The following MYO1A variants were observed in gnomAD, a reference collection of about 807,000 sequenced individuals.
MYO1A encodes myosin IA.
Under a neutral mutation model 138.5 loss-of-function variants are expected in MYO1A, and 127 were observed. The ratio of observed to expected loss-of-function variants is 0.92; its 90% CI spans 0.79 to 1.06. The LOEUF is 1.06. Among genes scored for constraint, MYO1A ranks in the 50% least tolerant of loss-of-function variants. MYO1A has a pLI of 0.00. For missense variants in MYO1A, 1,211 were observed against 1,288.8 expected, an observed-to-expected ratio of 0.94 and a Z score of 0.92; for synonymous variants, 477 against 497.5, an observed-to-expected ratio of 0.96 and a Z score of 0.55.
chr12:57,047,316 G>A lies in MYO1A; in HGVS notation c.417C>T (p.Asn139=), dbSNP rs1376348970. ...NSVKEQLLQS[N]PVLEAFGNAK... The stretch of plus-strand genomic sequence containing the variant: ...CAGAATTCTCACCCTCCAGCACTGG[G>A]TTAGACTGTAGCAGCTGCTCCTTCA... Residue 139 remains asparagine, a synonymous_variant, in exon 5 of 28, where the codon AAC becomes AAT. Coordinates refer to ENST00000300119, the MANE Select transcript of MYO1A (RefSeq NM_005379.4). 15 of 1,614,052 alleles carry A rather than the reference G, an allele frequency of 9.3e-6. No individual in the cohort carries two copies. Among genetic ancestry groups the A allele is most frequent in the Non-Finnish European group, 1.2e-5 (14 of 1,179,938 alleles).
chr12:57,031,951 G>A (rs147395723), intron 22 of MYO1A, among the ~76,000 whole-genome samples: 136 of 152,228 alleles, frequency 8.9e-4, no homozygotes, highest in Non-Finnish European at 1.3e-3. Flanking sequence ...TGACACTTAA[G>A]AGCCCAGCCT....
Position 57,047,079 on chromosome 12 carries a change from G to A in MYO1A, c.459C>T (p.Asn153=). The A allele has an allele frequency of 6.2e-7, 1 of 1,614,206 alleles. No homozygotes were observed. The highest frequency in any genetic ancestry group is 8.5e-7 in the Non-Finnish European group (1 of 1,180,040). The change falls in exon 6 of 28, where the codon AAC becomes AAT. Residue 153 remains asparagine (N), a synonymous_variant. Coordinates refer to ENST00000300119, the MANE Select transcript of MYO1A (RefSeq NM_005379.4). ...EAFGNAKTIR[N]NNSSRFGKYM... ...TACTCACAAATCGGGAGGAATTGTT[G>A]TTGCGAATGGTCTTGGCATTGCCAA...
chr12:57,036,802 T>A lies in MYO1A; in HGVS notation c.2244A>T (p.Leu748Phe). ...ACCCTCTCACAAAAGCCTGGATCAA[T>A]AACACGGATGCCTTTATCTTCCCAT... Reference protein sequence around the residue: ...KCYGKIKASVLLIQAFVRGWK... With the variant: ...KCYGKIKASVFLIQAFVRGWK... Residue 748 changes from leucine (L) to phenylalanine (F), a missense_variant, in exon 21 of 28, where the codon TTA becomes TTT. By Grantham distance (22) the Leu-to-Phe change is conservative. Coordinates refer to ENST00000300119, the MANE Select transcript of MYO1A (RefSeq NM_005379.4). 1 of 1,614,240 alleles carries A rather than the reference T, an allele frequency of 6.2e-7. No homozygotes were observed. The highest frequency in any genetic ancestry group is 1.1e-5 in the South Asian group (1 of 91,088).
At position 57,043,874 on chromosome 12, in the gene MYO1A, C is replaced by G; in HGVS notation, c.874G>C (p.Gly292Arg). ...TGCAGACCTCTCCCATCACGGATGC[C>G]ACTTGCTGGTATCCCACTGGCCTGG... is the stretch of plus-strand genomic sequence containing the variant. ...EFQASGIPAS[G>R]IRDGRGVREI... The change falls in exon 10 of 28, where the codon GGC (glycine) becomes CGC (arginine). Residue 292 changes from glycine to arginine, a missense_variant. By Grantham distance (125) the Gly-to-Arg change is moderately radical. Transcript: ENST00000300119. 1 of 1,614,146 alleles carries G rather than the reference C, an allele frequency of 6.2e-7. No individual in the cohort carries two copies. Among genetic ancestry groups the G allele is most frequent in the South Asian group, 1.1e-5 (1 of 91,078 alleles).
Position 57,043,920 on chromosome 12 carries a change from G to A in MYO1A, c.828C>T (p.Asn276=), listed in dbSNP as rs370037785. 44 of 1,614,008 alleles carry A rather than the reference G, an allele frequency of 2.7e-5. No homozygotes were observed. Among genetic ancestry groups the A allele is most frequent in the African/African-American group, 6.7e-5 (5 of 74,900 alleles). The change falls in exon 10 of 28, where the codon AAC becomes AAT. Residue 276 remains asparagine (N), a synonymous_variant. Coordinates refer to ENST00000300119, the MANE Select transcript of MYO1A (RefSeq NM_005379.4). ...EVTSMVLKLG[N]VLVADEFQAS... ...CCTGGAACTCATCAGCCACCAACACGTTCCCCAGCTTTAGCACCATGGATG... is the reference window on the plus strand; with the variant it reads ...CCTGGAACTCATCAGCCACCAACACATTCCCCAGCTTTAGCACCATGGATG...
chr12:57,043,337 A>G lies in MYO1A; in HGVS notation c.914T>C (p.Met305Thr), dbSNP rs1565646386. Residue 305 changes from methionine to threonine, a missense_variant, in exon 11 of 28, where the codon ATG becomes ACG. Coordinates refer to ENST00000300119, the MANE Select transcript of MYO1A (RefSeq NM_005379.4). ...TACTTCTTCTGAATTCAAGCCCACC[A>G]TCTCCCCAATCTCCCGAACACCTGG... ...DGRGVREIGE[M>T]VGLNSEEVER... The G allele has an allele frequency of 1.2e-6, 2 of 1,614,054 alleles. No individual in the cohort carries two copies. Among genetic ancestry groups the G allele is most frequent in the Non-Finnish European group, 1.7e-6 (2 of 1,179,958 alleles).
At chr12:57,030,095 G>T in intron 24 of MYO1A, 115 bp downstream of exon 24, 2 of 1,241,776 alleles carry the variant, frequency 1.6e-6, no homozygotes, top group Non-Finnish European at 2.3e-6. Context: ...CAGAGACTCT[G>T]AGGAGGGACA....
At chr12:57,037,116 C>G (rs373818047) in intron 19 of MYO1A, 25 bp from the exon 20 acceptor site, 4 of 1,613,686 alleles carry the variant, frequency 2.5e-6, no homozygotes, top group Middle Eastern at 1.7e-4. Flanking sequence ...AAGGGGGTGA[C>G]AGAGAGACTG....
chr12:57,047,900 C>T, intron 3 of MYO1A, 89 bp downstream of exon 3: 1 of 1,565,598 alleles, frequency 6.4e-7, no homozygotes, highest in South Asian at 1.2e-5. Context: ...CTGGAGAAGC[C>T]CCTTCAGGGG....
At chr12:57,044,679 G>A (rs2031017562) in intron 8 of MYO1A, among the ~76,000 whole-genome samples, 2 of 152,064 alleles carry the variant, frequency 1.3e-5, no homozygotes, top group South Asian at 4.1e-4. Flanking sequence ...TGAGTCACTC[G>A]GCCTAACAGA....
intron 4 of MYO1A, 28 bp from the exon 5 acceptor site, chr12:57,047,435 C>A (rs887022312): frequency 6.2e-7 from 1 of 1,603,532 alleles, no homozygotes; most frequent in South Asian, 1.1e-5. Context: ...TCTCATGGGT[C>A]CCCACCCAGG....
chr12:57,039,443 G>A lies in MYO1A; in HGVS notation c.1270-169C>T, dbSNP rs184230161. ...ATGTCCCCATCCCTCCAAGGTTGGT[G>A]GAGAATTTGTGGGGTGGGTAGACAG... On this transcript the variant is annotated intron_variant, in intron 14 of 27. Coordinates refer to ENST00000300119, the MANE Select transcript of MYO1A (RefSeq NM_005379.4). The A allele has an allele frequency of 1.6e-4, 104 of 663,886 alleles. 1 individual carries two copies. Among genetic ancestry groups the A allele is most frequent in the East Asian group, 1.4e-3 (49 of 35,352 alleles). The allele number at this position is 663,886 out of a possible 1,614,324, so 41.1% of individuals were successfully genotyped here.
At chr12:57,035,669 A>G (rs2030504023) in intron 22 of MYO1A, among the ~76,000 whole-genome samples, 1 of 152,170 alleles carries the variant, frequency 6.6e-6, no homozygotes, top group Non-Finnish European at 1.5e-5. Flanking sequence ...ACTTCTCAGA[A>G]GCACTATTGC....
chr12:57,043,476 G>T lies in MYO1A; in HGVS notation c.893-118C>A. ...GGTGTCCTGGGGTCTCACTGGAGAA[G>T]TCATTGCAGCCAACCCAGAACATGG... On this transcript the variant is annotated intron_variant, in intron 10 of 27. Transcript: ENST00000300119. 7 of 998,780 alleles carry T rather than the reference G, an allele frequency of 7.0e-6. 1 individual carries two copies. Among genetic ancestry groups the T allele is most frequent in the South Asian group, 3.9e-5 (3 of 76,952 alleles). 61.9% of individuals were successfully genotyped at this position (998,780 alleles called of 1,614,324 possible).
At chr12:57,045,699 T>C (rs538756865) in intron 8 of MYO1A, among the ~76,000 whole-genome samples, 7 of 152,252 alleles carry the variant, frequency 4.6e-5, no homozygotes, top group African/African-American at 1.7e-4. Flanking sequence ...CCCACGGTGC[T>C]CACAGCCAGA....
At chr12:57,046,726 C>T (rs2031110706) in intron 7 of MYO1A, 76 bp from the exon 8 acceptor site, 3 of 1,485,000 alleles carry the variant, frequency 2.0e-6, no homozygotes, top group South Asian at 1.1e-5. Flanking sequence ...CTGGAGAATG[C>T]CCCCATCGCC....
chr12:57,030,147 A>T, intron 24 of MYO1A, 63 bp downstream of exon 24: 1 of 1,427,210 alleles, frequency 7.0e-7, no homozygotes, highest in Non-Finnish European at 9.9e-7. Flanking sequence ...ATTCTAAGGC[A>T]CGCTCAAGTT....
rs184005235 is a variant in MYO1A, at chr12:57,032,804, T to C, written c.2350-1630A>G. 2.6e-4 allele frequency among the ~76,000 whole-genome samples: 40 copies of C among 152,244 alleles called. No individual in the cohort carries two copies. In the East Asian group the frequency reaches 3.1e-3, roughly 12 times the overall value. ...TGGTAAGGAGTGAAATGGAACACCATTGGAGAATTTATACAGAAGAATAGC... is the reference window on the plus strand; with the variant it reads ...TGGTAAGGAGTGAAATGGAACACCACTGGAGAATTTATACAGAAGAATAGC... On this transcript the variant is annotated intron_variant, in intron 22 of 27. Coordinates refer to ENST00000300119, the MANE Select transcript of MYO1A (RefSeq NM_005379.4).
Position 57,041,249 on chromosome 12 carries a change from C to T in MYO1A, c.1204G>A (p.Glu402Lys), listed in dbSNP as rs1034738243. The T allele has an allele frequency of 1.2e-6, 2 of 1,614,088 alleles. No homozygotes were observed. The highest frequency in any genetic ancestry group is 2.2e-5 in the East Asian group (1 of 44,888). ...FEQFVINYCN[E>K]KLQQVFIEMT... is the part of the protein sequence containing the mutation. ...TCTATGAACACCTGCTGCAGCTTCT[C>T]ATTGCAGTAGTTGATCACAAATTGC... The change falls in exon 14 of 28, where the codon GAG (glutamate) becomes AAG (lysine). Residue 402 changes from glutamate (E) to lysine (K), a missense_variant. By Grantham distance (56) the Glu-to-Lys change is moderately conservative. Transcript: ENST00000300119.
Sources: allele counts gnomAD v4.1 joint callset (sites outside exome capture counted in the v4.1 genomes callset), GRCh38; gene constraint gnomAD v4.1.1; transcripts MANE v1.5; gene names NCBI Gene and HGNC (gene_info 2026-07-23, HGNC 2026-07-21).